MSH3: variants seen among roughly 807,000 people sequenced by gnomAD.
The protein encoded by MSH3 is mutS homolog 3.
MSH3 carries 106 observed loss-of-function variants against 123.3 expected under a neutral mutation model. The observed-to-expected ratio is 0.86, with a 90% CI of 0.73 to 1.01. The LOEUF (loss-of-function observed/expected upper bound fraction) is 1.01. Among genes scored for constraint, MSH3 ranks in the 50% least tolerant of loss-of-function variants. The pLI, the probability that MSH3 is intolerant of heterozygous loss-of-function variation, is 0.00. For missense variants in MSH3, 1,459 were observed against 1,347.6 expected (o/e 1.08, Z -1.29); for synonymous variants, 515 against 481.4 (o/e 1.07, Z -0.91).
intron 21 of MSH3, among the ~76,000 whole-genome samples, chr5:80,859,024 T>C (rs1026320512): frequency 1.3e-5 from 2 of 152,198 alleles, no homozygotes; most frequent in African/African-American, 4.8e-5. Context: ...ATCTGAAGTC[T>C]GCTCTGTCTC....
At chr5:80,762,778 T>TA (rs1554072030) in intron 13 of MSH3, among the ~76,000 whole-genome samples, 1 of 127,976 alleles carries the variant, frequency 7.8e-6, no homozygotes, top group Non-Finnish European at 1.6e-5. Context: ...TTATTTTAAT[T>TA]TTTTATTTTA....
intron 19 of MSH3, among the ~76,000 whole-genome samples, chr5:80,798,216 G>A (rs1021832785): frequency 1.4e-4 from 21 of 152,148 alleles, no homozygotes; most frequent in Non-Finnish European, 5.9e-5. Context: ...TTATTGCTGG[G>A]GCAGGGTAGA....
intron 13 of MSH3, 89 bp downstream of exon 13, chr5:80,761,767 A>G (rs1311886515): frequency 8.5e-6 from 12 of 1,404,300 alleles, no homozygotes; most frequent in Middle Eastern, 2.0e-4. Context: ...GAGCTCTATT[A>G]TTATTTTATT....
chr5:80,834,694 AG>A (rs1167771797), intron 20 of MSH3, among the ~76,000 whole-genome samples: 2 of 149,998 alleles, frequency 1.3e-5, no homozygotes, highest in Admixed American at 1.3e-4. Context: ...AAAATAATAA[AG>A]TAAAAATATT....
At chr5:80,707,617 A>C (rs6151695) in intron 8 of MSH3, among the ~76,000 whole-genome samples, 3 of 152,146 alleles carry the variant, frequency 2.0e-5, no homozygotes, top group East Asian at 3.9e-4. Context: ...CTGTAGGCCT[A>C]GCTACTCAGA....
intron 13 of MSH3, among the ~76,000 whole-genome samples, chr5:80,764,877 C>T (rs952938033): frequency 6.6e-6 from 1 of 152,220 alleles, no homozygotes; most frequent in East Asian, 1.9e-4. Context: ...CTTTTTTTAG[C>T]TAAGCAGGAA....
chr5:80,866,217 C>T (rs536521848), intron 22 of MSH3, among the ~76,000 whole-genome samples: 14 of 152,310 alleles, frequency 9.2e-5, no homozygotes, highest in South Asian at 8.3e-4. Context: ...TAGCTCACTG[C>T]AGACACAACC....
intron 8 of MSH3, among the ~76,000 whole-genome samples, chr5:80,712,025 G>A (rs1157233639): frequency 3.9e-5 from 6 of 152,182 alleles, no homozygotes; most frequent in African/African-American, 1.2e-4. Flanking sequence ...GCTCGTAAGT[G>A]AAAAGCTTGA....
chr5:80,778,732 G>C lies in MSH3; in HGVS notation c.2331G>C (p.Val777=). 1 of 1,607,076 alleles carries C rather than the reference G, an allele frequency of 6.2e-7. No individual in the cohort carries two copies. Among genetic ancestry groups the C allele is most frequent in the Non-Finnish European group, 8.5e-7 (1 of 1,173,682 alleles). Residue 777 remains valine (V), a synonymous_variant, in exon 17 of 24, where the codon GTG becomes GTC. Coordinates refer to ENST00000265081, the MANE Select transcript of MSH3 (RefSeq NM_002439.5). ...DWVKVGSTKA[V]SRFHSPFIVE... ...TCCCCTCTTCTAGCACAAAAGCTGT[G>C]AGCCGCTTTCACTCTCCTTTTATTG...
chr5:80,713,138 T>C (rs1750890492), intron 8 of MSH3, among the ~76,000 whole-genome samples: 1 of 152,182 alleles, frequency 6.6e-6, no homozygotes, highest in South Asian at 2.1e-4. Context: ...ATCATGCAAT[T>C]GGTAAGCTGA....
chr5:80,846,089 G>C (rs1168846665), intron 20 of MSH3, among the ~76,000 whole-genome samples: 1 of 152,126 alleles, frequency 6.6e-6, no homozygotes, highest in African/African-American at 2.4e-5. Flanking sequence ...TGGCATTTTG[G>C]TGTGGATGTC....
At chr5:80,863,564 A>T (rs914677956) in intron 21 of MSH3, among the ~76,000 whole-genome samples, 6 of 151,894 alleles carry the variant, frequency 4.0e-5, no homozygotes, top group Admixed American at 2.6e-4. Context: ...CCAGCTACTC[A>T]GGAGGCTAAG....
chr5:80,758,444 T>G (rs1190034523), intron 12 of MSH3, among the ~76,000 whole-genome samples: 1 of 152,194 alleles, frequency 6.6e-6, no homozygotes, highest in Non-Finnish European at 1.5e-5. Flanking sequence ...GGCTCATTGC[T>G]CTTCTCATTT....
intron 10 of MSH3, among the ~76,000 whole-genome samples, chr5:80,730,877 C>CATATAT (rs35595321): frequency 2.2e-4 from 29 of 131,494 alleles, no homozygotes; most frequent in East Asian, 1.3e-3. Context: ...GTGTCCTCCT[C>CATATAT]ATATATATAT....
chr5:80,714,905 TACTC>T (rs1414851261), intron 8 of MSH3, among the ~76,000 whole-genome samples: 1 of 152,210 alleles, frequency 6.6e-6, no homozygotes, highest in Non-Finnish European at 1.5e-5. Context: ...GTTAGTCCGA[TACTC>T]TCTCTCTCTA....
chr5:80,697,118 T>G (rs1020127466), intron 8 of MSH3, among the ~76,000 whole-genome samples: 1 of 152,224 alleles, frequency 6.6e-6, no homozygotes, highest in Non-Finnish European at 1.5e-5. Context: ...TTAGTTCATA[T>G]TTCCTTCTTA....
intron 8 of MSH3, among the ~76,000 whole-genome samples, chr5:80,712,184 G>A (rs1047828990): frequency 6.6e-6 from 1 of 152,114 alleles, no homozygotes; most frequent in African/African-American, 2.4e-5. Context: ...AGCCTCCAGG[G>A]TTCTAGTCCA....
At chr5:80,829,233 CCTG>C (rs1745377221) in intron 20 of MSH3, among the ~76,000 whole-genome samples, 1 of 152,178 alleles carries the variant, frequency 6.6e-6, no homozygotes, top group South Asian at 2.1e-4. Flanking sequence ...ATTTCCTTTT[CCTG>C]TCTTATTGCA....
chr5:80,768,662 T>C (rs999938233), intron 14 of MSH3, among the ~76,000 whole-genome samples, 173 bp from the exon 15 acceptor site: 10 of 152,126 alleles, frequency 6.6e-5, no homozygotes, highest in Non-Finnish European at 1.5e-4. Context: ...TTTAGGGTAA[T>C]TTTGACCATC....
Sources: gnomAD v4.1 joint callset for allele counts (sites outside exome capture counted in the v4.1 genomes callset) on GRCh38, gnomAD v4.1.1 for gene constraint, MANE v1.5 for transcripts, NCBI Gene and HGNC (gene_info 2026-07-23, HGNC 2026-07-21) for gene names.